DLG2: variants seen among roughly 807,000 people sequenced by gnomAD.
DLG2 encodes the protein discs large MAGUK scaffold protein 2.
In DLG2, 45 loss-of-function variants were observed where a neutral mutation model predicts 132.5. That is an observed-to-expected ratio of 0.34 (90% confidence interval 0.27 to 0.44). The LOEUF (loss-of-function observed/expected upper bound fraction) is 0.44. Ranked by LOEUF, DLG2 falls within the 20% of genes least tolerant of loss-of-function variation. The pLI, the probability that DLG2 is intolerant of heterozygous loss-of-function variation, is 1.00. For synonymous variants in DLG2, 424 were observed against 419.6 expected, an observed-to-expected ratio of 1.01 and a Z score of -0.13; for missense variants, 1,045 against 1,196.9, an observed-to-expected ratio of 0.87 and a Z score of 1.87.
chr11:83,652,220 A>T (rs1395877011), intron 18 of DLG2, among the ~76,000 whole-genome samples: 1 of 152,192 alleles, frequency 6.6e-6, no homozygotes, highest in Non-Finnish European at 1.5e-5. Flanking sequence ...GCAGGAGGGT[A>T]TCTATCTGGC....
chr11:85,388,531 G>A (rs1200994166), intron 3 of DLG2, among the ~76,000 whole-genome samples: 1 of 152,144 alleles, frequency 6.6e-6, no homozygotes, highest in Non-Finnish European at 1.5e-5. Flanking sequence ...TCTGGCTGGA[G>A]GTCAAGCACC....
chr11:84,535,937 G>C (rs1476565608), intron 6 of DLG2, among the ~76,000 whole-genome samples: 1 of 140,370 alleles, frequency 7.1e-6, no homozygotes, highest in African/African-American at 2.8e-5. Flanking sequence ...ATCATCAATG[G>C]TTAATTTTTT....
chr11:84,620,326 T>C (rs1041155173), intron 6 of DLG2, among the ~76,000 whole-genome samples: 1 of 151,834 alleles, frequency 6.6e-6, no homozygotes, highest in African/African-American at 2.4e-5. Context: ...ATTAAATACT[T>C]AAATATAAAA....
chr11:84,560,034 T>A (rs2099421609), intron 6 of DLG2, among the ~76,000 whole-genome samples: 1 of 152,092 alleles, frequency 6.6e-6, no homozygotes, highest in East Asian at 1.9e-4. Context: ...TGCTGGAGTA[T>A]CTTGTGTACT....
In DLG2 at chr11:83,694,260, A is replaced by G. The variant is rs77401701; in HGVS notation, c.1826-60935T>C. On this transcript the variant is annotated intron_variant, in intron 18 of 27. Transcript: ENST00000376104. ...TGGCTCTTCTGCTGGAGAATCTAGAAAGTCCAAAGCCAAAATGTCTACCCT... is the reference window on the plus strand; with the variant it reads ...TGGCTCTTCTGCTGGAGAATCTAGAGAGTCCAAAGCCAAAATGTCTACCCT... Among the ~76,000 whole-genome samples, 241 of 152,304 alleles carry G rather than the reference A, an allele frequency of 1.6e-3. 1 individual carries two copies. Among genetic ancestry groups the G allele is most frequent in the African/African-American group, 5.5e-3 (229 of 41,564 alleles).
At chr11:83,649,245 G>T (rs1044609548) in intron 18 of DLG2, among the ~76,000 whole-genome samples, 1 of 152,004 alleles carries the variant, frequency 6.6e-6, no homozygotes, top group Admixed American at 6.6e-5. Context: ...TTTTCCTGCT[G>T]GGCATTCTAT....
intron 6 of DLG2, among the ~76,000 whole-genome samples, chr11:84,944,330 C>G (rs545847348): frequency 2.0e-5 from 3 of 152,270 alleles, no homozygotes; most frequent in Admixed American, 1.3e-4. Context: ...ACCCCAAACT[C>G]TCCATCTACT....
intron 3 of DLG2, among the ~76,000 whole-genome samples, chr11:85,375,448 G>A (rs2085330042): frequency 6.6e-6 from 1 of 152,182 alleles, no homozygotes; most frequent in South Asian, 2.1e-4. Context: ...GGAGGCTGAG[G>A]CAGGAGGATC....
chr11:84,269,125 G>A (rs990262006), intron 7 of DLG2, among the ~76,000 whole-genome samples: 6 of 152,160 alleles, frequency 3.9e-5, no homozygotes, highest in African/African-American at 1.2e-4. Context: ...GAGAAACACT[G>A]TAAACAACTT....
chr11:85,436,134 C>G (rs1472763665), intron 3 of DLG2, among the ~76,000 whole-genome samples: 1 of 152,164 alleles, frequency 6.6e-6, no homozygotes, highest in Non-Finnish European at 1.5e-5. Flanking sequence ...CTGGACCCTT[C>G]CTTACATCTT....
rs2095361576 is a variant in DLG2 at position 84,020,570 on chromosome 11, T to G, written c.919+38745A>C. Among the ~76,000 whole-genome samples, 3 of 152,210 alleles carry G rather than the reference T, an allele frequency of 2.0e-5. No homozygotes were observed. In the South Asian group the frequency reaches 6.2e-4, roughly 32 times the overall value. On this transcript the variant is annotated intron_variant, in intron 11 of 27. Transcript: ENST00000376104. The stretch of plus-strand genomic sequence containing the variant: ...ACAAGCTGAAAGGCAGCTAAAAAGA[T>G]GAAATCACTGTCAAGGACAGACACA...
At chr11:84,194,866 G>A (rs138797818) in intron 8 of DLG2, among the ~76,000 whole-genome samples, 26 of 152,202 alleles carry the variant, frequency 1.7e-4, no homozygotes, top group East Asian at 1.4e-3. Context: ...GCCTGGGGCC[G>A]GCGGCGCTGG....
chr11:84,855,956 G>T (rs772180096), intron 6 of DLG2, among the ~76,000 whole-genome samples: 2 of 151,898 alleles, frequency 1.3e-5, no homozygotes, highest in African/African-American at 2.4e-5. Context: ...CATCTATCAG[G>T]TCACCCCCTT....
intron 7 of DLG2, among the ~76,000 whole-genome samples, chr11:84,440,808 C>T (rs571721234): frequency 6.6e-6 from 1 of 152,234 alleles, no homozygotes; most frequent in African/African-American, 2.4e-5. Context: ...CCTCTGAATT[C>T]TCAAGGTAAA....
chr11:85,625,528 T>C (rs1343798712), intron 2 of DLG2, among the ~76,000 whole-genome samples: 1 of 152,208 alleles, frequency 6.6e-6, no homozygotes, highest in Admixed American at 6.5e-5. Context: ...TGTCCATCTC[T>C]ACAAATATCA....
intron 7 of DLG2, among the ~76,000 whole-genome samples, chr11:84,508,798 C>G (rs2099249559): frequency 6.6e-6 from 1 of 152,194 alleles, no homozygotes; most frequent in Non-Finnish European, 1.5e-5. Context: ...TCTACTCTCA[C>G]TTGAATGTAA....
chr11:84,979,040 C>G (rs2055341203), intron 6 of DLG2, among the ~76,000 whole-genome samples: 1 of 152,090 alleles, frequency 6.6e-6, no homozygotes, highest in African/African-American at 2.4e-5. Flanking sequence ...ATTTATGCAG[C>G]CAACAGACAC....
intron 7 of DLG2, among the ~76,000 whole-genome samples, chr11:84,472,038 C>G (rs925329547): frequency 2.6e-5 from 4 of 151,832 alleles, no homozygotes; most frequent in Non-Finnish European, 5.9e-5. Context: ...ATTCCGGTCC[C>G]CAAATTTCCT....
intron 7 of DLG2, among the ~76,000 whole-genome samples, chr11:84,491,051 C>T (rs940100847): frequency 1.3e-5 from 2 of 151,968 alleles, no homozygotes; most frequent in African/African-American, 4.8e-5. Flanking sequence ...AGTATGAAAT[C>T]AAGAAGGATG....
Sources: gnomAD v4.1 joint callset for allele counts (sites outside exome capture counted in the v4.1 genomes callset) on GRCh38, gnomAD v4.1.1 for gene constraint, MANE v1.5 for transcripts, NCBI Gene and HGNC (gene_info 2026-07-23, HGNC 2026-07-21) for gene names.